The following HDAC4 variants were observed in gnomAD, a reference collection of about 807,000 sequenced individuals.
The protein encoded by HDAC4 is histone deacetylase 4, also known as histone deacetylase A.
HDAC4 carries 16 observed loss-of-function variants against 135.1 expected under a neutral mutation model. That is an observed-to-expected ratio of 0.12 (90% confidence interval 0.08 to 0.18). The LOEUF (loss-of-function observed/expected upper bound fraction) is 0.18, where lower values mean the gene tolerates loss of function less well. Among genes scored for constraint, HDAC4 ranks in the 10% least tolerant of loss-of-function variants. HDAC4 has a pLI of 1.00. For synonymous variants in HDAC4, 685 were observed against 653.4 expected (o/e 1.05, Z -0.74); for missense variants, 1,143 against 1,511.8 (o/e 0.76, Z 4.05).
At chr2:239,277,274 A>G (rs1418704350) in intron 2 of HDAC4, among the ~76,000 whole-genome samples, 3 of 152,208 alleles carry the variant, frequency 2.0e-5, no homozygotes, top group Non-Finnish European at 2.9e-5. Flanking sequence ...GAAATAGCAG[A>G]TGCCCTCTTG....
intron 2 of HDAC4, among the ~76,000 whole-genome samples, chr2:239,314,893 C>G (rs934560546): frequency 6.6e-6 from 1 of 152,212 alleles, no homozygotes; most frequent in African/African-American, 2.4e-5. Flanking sequence ...AAAGCTAGTT[C>G]AGGTCGTGAT....
At chr2:239,161,286 T>C (rs1009866320) in intron 6 of HDAC4, among the ~76,000 whole-genome samples, 1 of 152,214 alleles carries the variant, frequency 6.6e-6, no homozygotes, top group Non-Finnish European at 1.5e-5. Flanking sequence ...GCAGAAGTGT[T>C]TCAGTTTGTG....
intron 2 of HDAC4, among the ~76,000 whole-genome samples, chr2:239,265,195 C>A (rs2125150350): frequency 6.6e-6 from 1 of 152,300 alleles, no homozygotes; most frequent in South Asian, 2.1e-4. Flanking sequence ...AGCAGGGCTC[C>A]CACATGTGTG....
intron 11 of HDAC4, among the ~76,000 whole-genome samples, chr2:239,132,153 A>G (rs2040632013): frequency 6.6e-6 from 1 of 152,196 alleles, no homozygotes; most frequent in Non-Finnish European, 1.5e-5. Flanking sequence ...CAATGATGCC[A>G]ACACCTGCAG....
intron 3 of HDAC4, among the ~76,000 whole-genome samples, chr2:239,221,349 C>T (rs1037473820): frequency 3.3e-5 from 5 of 151,872 alleles, no homozygotes; most frequent in African/African-American, 4.8e-5. Flanking sequence ...CTGGGAAACC[C>T]TCTGGAAAAA....
At chr2:239,107,435 C>T (rs893634933) in intron 15 of HDAC4, among the ~76,000 whole-genome samples, 4 of 152,196 alleles carry the variant, frequency 2.6e-5, no homozygotes, top group Admixed American at 1.3e-4. Context: ...GAAGCCTCCT[C>T]GTGTGACTCA....
intron 2 of HDAC4, among the ~76,000 whole-genome samples, chr2:239,288,634 T>A (rs2051282219): frequency 6.6e-6 from 1 of 151,802 alleles, no homozygotes; most frequent in Non-Finnish European, 1.5e-5. Flanking sequence ...TCAACTGCAA[T>A]TCCAAAAACT....
chr2:239,356,863 TATAAA>T (rs1693521664), intron 1 of HDAC4, among the ~76,000 whole-genome samples: 1 of 151,794 alleles, frequency 6.6e-6, no homozygotes, highest in African/African-American at 2.4e-5. Flanking sequence ...CATCACAAGG[TATAAA>T]ATAAAATAAT....
At chr2:239,130,799 G>A (rs1048659759) in intron 11 of HDAC4, among the ~76,000 whole-genome samples, 3 of 152,184 alleles carry the variant, frequency 2.0e-5, no homozygotes, top group Non-Finnish European at 4.4e-5. Flanking sequence ...GTCTTGGGGG[G>A]CCCTGTCTCT....
intron 3 of HDAC4, among the ~76,000 whole-genome samples, chr2:239,203,571 C>A (rs1226858978): frequency 2.0e-5 from 3 of 152,178 alleles, no homozygotes; most frequent in Non-Finnish European, 4.4e-5. Flanking sequence ...GACTTGGGTT[C>A]TAAAACATGC....
intron 1 of HDAC4, among the ~76,000 whole-genome samples, chr2:239,378,228 G>A (rs1695164556): frequency 6.6e-6 from 1 of 152,062 alleles, no homozygotes; most frequent in East Asian, 2.0e-4. Flanking sequence ...GACAGCTTGG[G>A]GACTTCCTTC....
chr2:239,347,197 A>G (rs1468693134), intron 2 of HDAC4, among the ~76,000 whole-genome samples: 2 of 152,240 alleles, frequency 1.3e-5, no homozygotes, highest in African/African-American at 4.8e-5. Flanking sequence ...GATCATTTCT[A>G]TATTAAAATA....
chr2:239,281,758 C>G (rs1365868956), intron 2 of HDAC4, among the ~76,000 whole-genome samples: 3 of 150,046 alleles, frequency 2.0e-5, no homozygotes, highest in Non-Finnish European at 4.4e-5. Context: ...ACACGCCACT[C>G]TACAATTTAC....
At chr2:239,127,085 C>A (rs1433640727) in intron 11 of HDAC4, among the ~76,000 whole-genome samples, 1 of 152,114 alleles carries the variant, frequency 6.6e-6, no homozygotes, top group East Asian at 1.9e-4. Context: ...GGAGAGAGGG[C>A]CACCAGTGTG....
intron 4 of HDAC4, among the ~76,000 whole-genome samples, chr2:239,180,022 C>A (rs958428688): frequency 5.9e-5 from 9 of 152,036 alleles, no homozygotes; most frequent in Non-Finnish European, 1.0e-4. Context: ...TGGGCGCCAA[C>A]CTTCAGCGGC....
At chr2:239,135,209 A>T (rs1006929785) in intron 9 of HDAC4, among the ~76,000 whole-genome samples, 1 of 152,248 alleles carries the variant, frequency 6.6e-6, no homozygotes, top group Non-Finnish European at 1.5e-5. Flanking sequence ...GTATCAAAAC[A>T]TCTCATGTAC....
chr2:239,298,376 A>G, intron 2 of HDAC4: 2 of 1,186,532 alleles, frequency 1.7e-6, no homozygotes, highest in Non-Finnish European at 2.1e-6. Context: ...AGGGATCCGG[A>G]ATCGCCAGAG....
chr2:239,342,525 C>A (rs10209343), intron 2 of HDAC4, among the ~76,000 whole-genome samples: 1 of 151,918 alleles, frequency 6.6e-6, no homozygotes, highest in African/African-American at 2.4e-5. Flanking sequence ...AAAACAAATA[C>A]GTTACAATAA....
intron 22 of HDAC4, among the ~76,000 whole-genome samples, chr2:239,070,203 C>T (rs746875210): frequency 2.0e-5 from 3 of 152,210 alleles, no homozygotes; most frequent in Non-Finnish European, 4.4e-5. Context: ...GGGGAGCCCA[C>T]GTGTTCCTTA....
Sources: allele counts gnomAD v4.1 joint callset (sites outside exome capture counted in the v4.1 genomes callset), GRCh38; gene constraint gnomAD v4.1.1; transcripts MANE v1.5; gene names NCBI Gene and HGNC (gene_info 2026-07-23, HGNC 2026-07-21).